Variants in STAT4 observed in about 807,000 individuals in gnomAD.
The protein encoded by STAT4 is signal transducer and activator of transcription 4.
Under a neutral mutation model 110.5 loss-of-function variants are expected in STAT4, and 42 were observed. The observed-to-expected ratio is 0.38, with a 90% CI of 0.30 to 0.49. The LOEUF (loss-of-function observed/expected upper bound fraction) is 0.49, where lower values mean the gene tolerates loss of function less well. Among genes scored for constraint, STAT4 ranks in the 20% least tolerant of loss-of-function variants. The pLI is 0.95. For synonymous variants in STAT4, 284 were observed against 302.2 expected, an observed-to-expected ratio of 0.94 and a Z score of 0.63; for missense variants, 632 against 887.9, an observed-to-expected ratio of 0.71 and a Z score of 3.66.
At position 191,117,884 on chromosome 2, in the gene STAT4, T is replaced by C. The variant is rs1698613764; in HGVS notation, c.273+28729A>G. On this transcript the variant is annotated intron_variant, in intron 3 of 23. Transcript: ENST00000392320. The surrounding 1 kb of genome is among the most constrained non-coding windows in gnomAD (Gnocchi z 5.2). ...GCTGGAAATCTACACTTTTAACAAG[T>C]TCCCCAAGTGATTTTTGTAATGAAA... 6.6e-6 allele frequency among the ~76,000 whole-genome samples: 1 copy of C among 152,186 alleles called. No individual in the cohort carries two copies. The highest frequency in any genetic ancestry group is 2.4e-5 in the African/African-American group (1 of 41,450).
At chr2:191,078,062 T>C (rs1207038358) in intron 3 of STAT4, among the ~76,000 whole-genome samples, 3 of 149,572 alleles carry the variant, frequency 2.0e-5, no homozygotes, top group Non-Finnish European at 4.5e-5. Flanking sequence ...AGCTATGTTT[T>C]CTCATTTTTC....
upstream of STAT4, chr2:191,151,033 C>T: frequency 2.0e-6 from 2 of 985,604 alleles, no homozygotes; most frequent in Non-Finnish European, 2.4e-6. This position sits in a 1 kb window ranked among gnomAD's most constrained non-coding sequence, Gnocchi z 4.7. Flanking sequence ...AAGCCGCTGA[C>T]GCCATCATCA....
In STAT4 at chr2:191,138,933, C is replaced by T. The variant is rs1195778781; in HGVS notation, c.273+7680G>A. Among the ~76,000 whole-genome samples, 5 of 151,990 alleles carry T rather than the reference C, an allele frequency of 3.3e-5. No individual in the cohort carries two copies. Among genetic ancestry groups the T allele is most frequent in the Admixed American group, 2.6e-4 (4 of 15,256 alleles). On this transcript the variant is annotated intron_variant, in intron 3 of 23. Coordinates refer to ENST00000392320, the MANE Select transcript of STAT4 (RefSeq NM_003151.4). This position sits in a 1 kb window ranked among gnomAD's most constrained non-coding sequence, Gnocchi z 4.3. ...ATCAAATGGGTTTATATTAGGAATA[C>T]AGGGATAGTTTAACACACGCAAAGT... is the stretch of plus-strand genomic sequence containing the variant.
rs1387639481 is a variant in STAT4, at chr2:191,035,299, A to G, written c.1571-702T>C. Reference sequence around the variant, plus strand: ...GAATTAAATAAGGATCAAAACATGTATTTCCATTAAGTAAATTTTGTGATG... The same window carrying G: ...GAATTAAATAAGGATCAAAACATGTGTTTCCATTAAGTAAATTTTGTGATG... On this transcript the variant is annotated intron_variant, in intron 17 of 23. Coordinates refer to ENST00000392320, the MANE Select transcript of STAT4 (RefSeq NM_003151.4). The surrounding 1 kb of genome is among the most constrained non-coding windows in gnomAD (Gnocchi z 4.7). Among the ~76,000 whole-genome samples the G allele has an allele frequency of 6.6e-6, 1 of 152,240 alleles. No individual in the cohort carries two copies. Among genetic ancestry groups the G allele is most frequent in the South Asian group, 2.1e-4 (1 of 4,834 alleles).
intron 13 of STAT4, among the ~76,000 whole-genome samples, chr2:191,057,568 C>T (rs1247638198): frequency 1.4e-5 from 2 of 145,804 alleles, no homozygotes; most frequent in Admixed American, 1.4e-4. Context: ...CAGCATGGTT[C>T]CTAATTTCTT....
At chr2:191,084,077 C>A (rs1048613396) in intron 3 of STAT4, among the ~76,000 whole-genome samples, 3 of 151,914 alleles carry the variant, frequency 2.0e-5, no homozygotes, top group African/African-American at 7.3e-5. Context: ...GCCTGACCAA[C>A]AAGGTGAAAC....
chr2:191,036,741 T>G (rs1168886305), intron 16 of STAT4, among the ~76,000 whole-genome samples: 4 of 152,248 alleles, frequency 2.6e-5, no homozygotes, highest in African/African-American at 9.6e-5. Context: ...GGTCACTCCT[T>G]CTGTCCTATA....
At position 191,051,783 on chromosome 2, in the gene STAT4, C is replaced by T. The variant is rs1696530396; in HGVS notation, c.1251+2707G>A. Among the ~76,000 whole-genome samples, 1 of 147,626 alleles carries T rather than the reference C, an allele frequency of 6.8e-6. No individual in the cohort carries two copies. Among genetic ancestry groups the T allele is most frequent in the Admixed American group, 7.3e-5 (1 of 13,738 alleles). On this transcript the variant is annotated intron_variant, in intron 14 of 23. Coordinates refer to ENST00000392320, the MANE Select transcript of STAT4 (RefSeq NM_003151.4). This position sits in a 1 kb window ranked among gnomAD's most constrained non-coding sequence, Gnocchi z 5.6. ...ATAGCAGAGGGGCCAGGAGCAGGGA[C>T]ACGGGATCAGACTGCCACGGTTTTA...
At chr2:191,141,485 T>TACATATGTATATCACATATATACATAC (rs1559085732) in intron 3 of STAT4, among the ~76,000 whole-genome samples, 2 of 135,412 alleles carry the variant, frequency 1.5e-5, no homozygotes, top group East Asian at 2.1e-4. Context: ...TACATACATA[T>TACATATGTATATCACATATATACATAC]ACATATGTAT....
In STAT4 at chr2:191,062,567, G is replaced by A. The variant is rs1431028975; in HGVS notation, c.941+195C>T. 6.6e-6 allele frequency among the ~76,000 whole-genome samples: 1 copy of A among 152,172 alleles called. No homozygotes were observed. Among genetic ancestry groups the A allele is most frequent in the African/African-American group, 2.4e-5 (1 of 41,430 alleles). On this transcript the variant is annotated intron_variant, in intron 9 of 23. Coordinates refer to ENST00000392320, the MANE Select transcript of STAT4 (RefSeq NM_003151.4). The surrounding 1 kb of genome is among the most constrained non-coding windows in gnomAD (Gnocchi z 4.9). Reference sequence around the variant, plus strand: ...TAGCTTGTGGAAAACTGAGCCAGTTGGTGAGAGAAGTGTTGATGAATAAAT... The same window carrying A: ...TAGCTTGTGGAAAACTGAGCCAGTTAGTGAGAGAAGTGTTGATGAATAAAT...
rs1352295874 is a variant in STAT4, at chr2:191,061,041, T to C, written c.1034+688A>G. 6.6e-6 allele frequency among the ~76,000 whole-genome samples: 1 copy of C among 152,120 alleles called. No individual in the cohort carries two copies. Among genetic ancestry groups the C allele is most frequent in the East Asian group, 1.9e-4 (1 of 5,196 alleles). ...GGAGTTTCAGGCATGATGAGAACCT[T>C]TGAAAGTAAGAACTCAAACTCATTG... is the stretch of plus-strand genomic sequence containing the variant. On this transcript the variant is annotated intron_variant, in intron 10 of 23. Transcript: ENST00000392320. The surrounding 1 kb of genome is among the most constrained non-coding windows in gnomAD (Gnocchi z 6.2).
chr2:191,118,295 T>C (rs964152503), intron 3 of STAT4, among the ~76,000 whole-genome samples: 1 of 152,236 alleles, frequency 6.6e-6, no homozygotes, highest in African/African-American at 2.4e-5. Flanking sequence ...TGCAGATTTC[T>C]GGGTCACATT....
intron 3 of STAT4, among the ~76,000 whole-genome samples, chr2:191,103,809 G>C (rs1384275719): frequency 1.3e-5 from 2 of 151,492 alleles, no homozygotes; most frequent in Non-Finnish European, 2.9e-5. Flanking sequence ...TTAATTCTTT[G>C]ACTTTTAAAA....
At chr2:191,087,409 G>T (rs1328175911) in intron 3 of STAT4, among the ~76,000 whole-genome samples, 2 of 152,114 alleles carry the variant, frequency 1.3e-5, no homozygotes, top group African/African-American at 4.8e-5. Flanking sequence ...AATGGTTGCA[G>T]CTTGGCCAGC....
rs1365600862 is a variant in STAT4 at position 191,142,150 on chromosome 2, A to C, written c.273+4463T>G. Among the ~76,000 whole-genome samples the C allele has an allele frequency of 6.6e-6, 1 of 152,156 alleles. No individual in the cohort carries two copies. ...GTTTATTGCAGGACTATTCACAATA[A>C]CAAAGATTTGGAATCAACCTAAGTG... On this transcript the variant is annotated intron_variant, in intron 3 of 23. Coordinates refer to ENST00000392320, the MANE Select transcript of STAT4 (RefSeq NM_003151.4). This position sits in a 1 kb window ranked among gnomAD's most constrained non-coding sequence, Gnocchi z 4.1.
chr2:191,136,374 C>T (rs1353838461), intron 3 of STAT4, among the ~76,000 whole-genome samples: 1 of 152,172 alleles, frequency 6.6e-6, no homozygotes, highest in African/African-American at 2.4e-5. Context: ...TACTCCTATT[C>T]AACATATTGC....
rs1021715078 is a variant in STAT4, at chr2:191,144,086, G to GT, written c.273+2526dup. On this transcript the variant is annotated intron_variant, in intron 3 of 23. Coordinates refer to ENST00000392320, the MANE Select transcript of STAT4 (RefSeq NM_003151.4). This position sits in a 1 kb window ranked among gnomAD's most constrained non-coding sequence, Gnocchi z 4.7. ...CTCAAATATCTTAATTCACCAAATT[G>GT]TTTTTTGAATTCCTAGTGTGCACTA... Among the ~76,000 whole-genome samples the GT allele has an allele frequency of 3.0e-4, 45 of 152,086 alleles. No homozygotes were observed. Among genetic ancestry groups the GT allele is most frequent in the Admixed American group, 1.2e-3 (19 of 15,266 alleles).
rs1458527618 is a variant in STAT4, at chr2:191,031,520, G to A, written c.2045-4C>T. 6.2e-7 allele frequency: 1 copy of A among 1,610,614 alleles called. No homozygotes were observed. Among genetic ancestry groups the A allele is most frequent in the Non-Finnish European group, 8.5e-7 (1 of 1,178,614 alleles). On this transcript the variant is annotated splice_region_variant and splice_polypyrimidine_tract_variant and intron_variant, in intron 21 of 23. Coordinates refer to ENST00000392320, the MANE Select transcript of STAT4 (RefSeq NM_003151.4). This position sits in a 1 kb window ranked among gnomAD's most constrained non-coding sequence, Gnocchi z 4.8. ...CCCCTTTCTGTTGGTCTTGAAACTG[G>A]AAAACAAAAAGGCACAATGTTGGGG...
rs1367616452 is a variant in STAT4 at position 191,062,432 on chromosome 2, T to C, written c.941+330A>G. 6.6e-6 allele frequency among the ~76,000 whole-genome samples: 1 copy of C among 152,162 alleles called. No individual in the cohort carries two copies. Among genetic ancestry groups the C allele is most frequent in the African/African-American group, 2.4e-5 (1 of 41,432 alleles). On this transcript the variant is annotated intron_variant, in intron 9 of 23. Coordinates refer to ENST00000392320, the MANE Select transcript of STAT4 (RefSeq NM_003151.4). This position sits in a 1 kb window ranked among gnomAD's most constrained non-coding sequence, Gnocchi z 4.9. ...ATATTAGTATTTTTTCTTTAGCTTA[T>C]AAACATGAAAATGTTCTCCATCCTT...
Sources: allele counts gnomAD v4.1 joint callset (sites outside exome capture counted in the v4.1 genomes callset), GRCh38; gene constraint gnomAD v4.1.1; non-coding constraint Gnocchi (gnomAD v3.1); transcripts MANE v1.5; gene names NCBI Gene and HGNC (gene_info 2026-07-23, HGNC 2026-07-21).